Variants in TAB1 observed in about 807,000 individuals in gnomAD.
The protein encoded by TAB1 is TGF-beta-activated kinase 1 and MAP3K7-binding protein 1.
In TAB1, 30 loss-of-function variants were observed where a neutral mutation model predicts 54.5. The ratio of observed to expected loss-of-function variants is 0.55; its 90% CI spans 0.41 to 0.75. The LOEUF is 0.75. Among genes scored for constraint, TAB1 ranks in the 30% least tolerant of loss-of-function variants. The probability of loss-of-function intolerance (pLI) is 0.00; values close to 1 mark genes in which losing one functional copy is unlikely to be tolerated. For synonymous variants in TAB1, 289 were observed against 286.9 expected, an observed-to-expected ratio of 1.01 and a Z score of -0.07; for missense variants, 609 against 683.2, an observed-to-expected ratio of 0.89 and a Z score of 1.21.
At chr22:39,422,298 A>G (rs1927126755) in intron 8 of TAB1, among the ~76,000 whole-genome samples, 1 of 151,060 alleles carries the variant, frequency 6.6e-6, no homozygotes, top group Non-Finnish European at 1.5e-5. Context: ...GCACAGAAAG[A>G]GATGTGCAGA....
chr22:39,400,925 C>T (rs1346949078), intron 1 of TAB1, among the ~76,000 whole-genome samples: 1 of 146,506 alleles, frequency 6.8e-6, no homozygotes, highest in Non-Finnish European at 1.5e-5. Flanking sequence ...CCCAACTATT[C>T]GGGAGGCTGA....
intron 1 of TAB1, among the ~76,000 whole-genome samples, chr22:39,407,331 C>T (rs1390898816): frequency 2.0e-5 from 3 of 152,120 alleles, no homozygotes; most frequent in Non-Finnish European, 4.4e-5. Context: ...GGTTGCCAGG[C>T]GTACTGTCCT....
chr22:39,426,787 C>A lies in TAB1; in HGVS notation c.1006C>A (p.Arg336Ser), dbSNP rs146341900. 6.2e-7 allele frequency: 1 copy of A among 1,614,064 alleles called. No homozygotes were observed. The highest frequency in any genetic ancestry group is 8.5e-7 in the Non-Finnish European group (1 of 1,180,040). The change falls in exon 9 of 11, where the codon CGC becomes AGC. Residue 336 changes from arginine to serine, a missense_variant. Arg to Ser is a moderately radical substitution (Grantham distance 110). Transcript: ENST00000216160. The stretch of plus-strand genomic sequence containing the variant: ...CCAGGCCGTCGTGGACCGGGTGAAG[C>A]GCATCCACAGCGACACCTTCGCCAG... Reference protein sequence around the residue: ...VAQAVVDRVKRIHSDTFASGG... With the variant: ...VAQAVVDRVKSIHSDTFASGG...
intron 4 of TAB1, 44 bp downstream of exon 4, chr22:39,416,921 A>G (rs1290435286): frequency 1.3e-6 from 2 of 1,585,198 alleles, no homozygotes; most frequent in Admixed American, 3.4e-5. Flanking sequence ...GTCCAGGCCC[A>G]GCTTTGCAAG....
At chr22:39,424,292 T>C (rs1927222504) in intron 8 of TAB1, among the ~76,000 whole-genome samples, 1 of 152,222 alleles carries the variant, frequency 6.6e-6, no homozygotes, top group South Asian at 2.1e-4. Context: ...TGAATTGTGC[T>C]GCTATAAACA....
chr22:39,428,190 C>A lies in TAB1; in HGVS notation c.1307+7C>A, dbSNP rs1555883532. ...CCACCCCCACCCTCACCAAGTAAGT[C>A]CCTTCCCCACTGAGCCACCCCCAGC... is the stretch of plus-strand genomic sequence containing the variant. On this transcript the variant is annotated splice_region_variant and intron_variant, in intron 10 of 10. Coordinates refer to ENST00000216160, the MANE Select transcript of TAB1 (RefSeq NM_006116.3). 1 of 1,584,304 alleles carries A rather than the reference C, an allele frequency of 6.3e-7. No individual in the cohort carries two copies. Among genetic ancestry groups the A allele is most frequent in the Non-Finnish European group, 8.6e-7 (1 of 1,159,040 alleles).
rs950889676 is a variant in TAB1 at position 39,430,503 on chromosome 22, C to T, written c.*281C>T. 196 of 1,324,776 alleles carry T rather than the reference C, an allele frequency of 1.5e-4. No individual in the cohort carries two copies. Among genetic ancestry groups the T allele is most frequent in the Non-Finnish European group, 1.8e-4 (181 of 1,029,812 alleles). The allele number at this position is 1,324,776 out of a possible 1,614,324, so 82.1% of individuals were successfully genotyped here. On this transcript the variant is annotated 3_prime_UTR_variant, in exon 11 of 11. Coordinates refer to ENST00000216160, the MANE Select transcript of TAB1 (RefSeq NM_006116.3). ...AGAGCAGAGGGCCAGGTATAGAAAC[C>T]GCAGTGGGCCTGCAAGCCGCCCGAG...
chr22:39,405,441 C>T (rs35836908), intron 1 of TAB1, among the ~76,000 whole-genome samples: 2,425 of 152,358 alleles, frequency 0.016, 38 homozygotes, highest in Middle Eastern at 0.051. Flanking sequence ...TTAAGTCCTG[C>T]GTTCGCTGTT....
downstream of TAB1, among the ~76,000 whole-genome samples, chr22:39,434,602 G>A (rs1927717552): frequency 6.6e-6 from 1 of 152,246 alleles, no homozygotes; most frequent in African/African-American, 2.4e-5. Context: ...GGCATTCCAC[G>A]AGCCTGGGCG....
chr22:39,399,800 A>G lies in TAB1; in HGVS notation c.-3A>G, dbSNP rs747034309. ...CGGGCGCTCCCGCAGGGGTTCCTCC[A>G]AGATGGCGGCGCAGAGGAGGAGCTT... On this transcript the variant is annotated 5_prime_UTR_variant, in exon 1 of 11. Transcript: ENST00000216160. 21 of 1,593,496 alleles carry G rather than the reference A, an allele frequency of 1.3e-5. No individual in the cohort carries two copies. Among genetic ancestry groups the G allele is most frequent in the Non-Finnish European group, 1.7e-5 (20 of 1,170,618 alleles).
intron 1 of TAB1, among the ~76,000 whole-genome samples, chr22:39,407,631 G>A (rs918208474): frequency 2.0e-5 from 3 of 152,138 alleles, no homozygotes; most frequent in East Asian, 1.9e-4. Flanking sequence ...GACTACAGGC[G>A]TCTGCCACCA....
chr22:39,433,757 C>T, downstream of TAB1: 4 of 985,448 alleles, frequency 4.1e-6, no homozygotes, highest in Non-Finnish European at 4.8e-6. Flanking sequence ...TGGAGCGACT[C>T]CAGGCTGCTC....
At chr22:39,436,836 A>G (rs74658578), downstream of TAB1, 9,212 of 466,912 alleles carry the variant, frequency 0.02, 381 homozygotes, top group East Asian at 0.13. Flanking sequence ...TGGTGAGCTC[A>G]GGGCTCTTGG....
Position 39,431,260 on chromosome 22 carries a change from A to C in TAB1, c.*1038A>C, listed in dbSNP as rs1281139493. 9 of 985,284 alleles carry C rather than the reference A, an allele frequency of 9.1e-6. No individual in the cohort carries two copies. In the East Asian group the frequency reaches 7.9e-4, roughly 87 times the overall value. 61.0% of individuals were successfully genotyped at this position (985,284 alleles called of 1,614,324 possible). On this transcript the variant is annotated 3_prime_UTR_variant, in exon 11 of 11. Transcript: ENST00000216160. ...CCCAGCCCAGGGCCTGAGTTAGACT[A>C]TTTCCCACATGTTCTCTGCCTTCAG...
chr22:39,432,116 C>T (rs138758941), downstream of TAB1, among the ~76,000 whole-genome samples: 382 of 152,330 alleles, frequency 2.5e-3, 5 homozygotes, highest in African/African-American at 8.8e-3. Context: ...TGTGTTCATG[C>T]ACATCTGAAG....
intron 4 of TAB1, 75 bp from the exon 5 acceptor site, chr22:39,417,636 A>T: frequency 9.6e-5 from 123 of 1,275,786 alleles, no homozygotes; most frequent in Non-Finnish European, 1.1e-4. Flanking sequence ...AAAAAAAAAG[A>T]GTAAAGGGAG....
At chr22:39,417,429 G>A (rs1926881752) in intron 4 of TAB1, among the ~76,000 whole-genome samples, 1 of 152,170 alleles carries the variant, frequency 6.6e-6, no homozygotes, top group Non-Finnish European at 1.5e-5. Context: ...GACCATCCTG[G>A]CTAACATGGT....
In TAB1 at chr22:39,430,486, G is replaced by T; in HGVS notation, c.*264G>T. 1 of 1,365,310 alleles carries T rather than the reference G, an allele frequency of 7.3e-7. No individual in the cohort carries two copies. The highest frequency in any genetic ancestry group is 9.5e-7 in the Non-Finnish European group (1 of 1,054,694). 84.6% of individuals were successfully genotyped at this position (1,365,310 alleles called of 1,614,324 possible). ...GACCATCGCCCTTTCTCAGAGCAGA[G>T]GGCCAGGTATAGAAACCGCAGTGGG... On this transcript the variant is annotated 3_prime_UTR_variant, in exon 11 of 11. Coordinates refer to ENST00000216160, the MANE Select transcript of TAB1 (RefSeq NM_006116.3).
chr22:39,424,921 C>T (rs1927254948), intron 8 of TAB1, among the ~76,000 whole-genome samples: 1 of 152,104 alleles, frequency 6.6e-6, no homozygotes, highest in African/African-American at 2.4e-5. Context: ...CCCACCAGGA[C>T]CAGGTGCAGG....
Sources: gnomAD v4.1 joint callset for allele counts (sites outside exome capture counted in the v4.1 genomes callset) on GRCh38, gnomAD v4.1.1 for gene constraint, MANE v1.5 for transcripts, NCBI Gene and HGNC (gene_info 2026-07-23, HGNC 2026-07-21) for gene names.